Variants in BCAS1 observed in about 807,000 individuals in gnomAD.
BCAS1 encodes brain enriched myelin associated protein 1, also known as breast carcinoma-amplified sequence 1.
Under a neutral mutation model 65.4 loss-of-function variants are expected in BCAS1, and 46 were observed. The observed-to-expected ratio is 0.70, with a 90% CI of 0.55 to 0.90. BCAS1 has a LOEUF of 0.90. BCAS1 is among the 40% of genes least tolerant of loss of function. The pLI is 0.00. For missense variants in BCAS1, 793 were observed against 771.2 expected (o/e 1.03, Z -0.33); for synonymous variants, 298 against 293.5 (o/e 1.02, Z -0.16).
At chr20:53,969,050 T>G (rs112694457) in intron 9 of BCAS1, among the ~76,000 whole-genome samples, 4 of 152,332 alleles carry the variant, frequency 2.6e-5, no homozygotes, top group African/African-American at 9.6e-5. Context: ...CAGGTGAGGC[T>G]GAAATATAGG....
At chr20:53,956,090 T>C (rs1248692893) in intron 11 of BCAS1, among the ~76,000 whole-genome samples, 1 of 152,094 alleles carries the variant, frequency 6.6e-6, no homozygotes, top group African/African-American at 2.4e-5. Flanking sequence ...AGCAGCATAA[T>C]AGTAATAGTA....
intron 1 of BCAS1, among the ~76,000 whole-genome samples, chr20:54,068,008 CAT>C (rs2092465873): frequency 1.3e-5 from 2 of 152,318 alleles, no homozygotes; most frequent in Admixed American, 6.5e-5. Context: ...CCTGCAGCTC[CAT>C]GTGTGTGCCC....
chr20:54,017,109 G>C (rs1226865285), intron 4 of BCAS1, among the ~76,000 whole-genome samples: 3 of 152,112 alleles, frequency 2.0e-5, no homozygotes, highest in Non-Finnish European at 2.9e-5. Flanking sequence ...GTTCACATAG[G>C]GGGAGGGGGG....
rs2089591528 is a variant in BCAS1 at position 53,953,418 on chromosome 20, A to C, written c.1815+14T>G. 1.2e-6 allele frequency: 2 copies of C among 1,612,054 alleles called. No homozygotes were observed. Among genetic ancestry groups the C allele is most frequent in the African/African-American group, 1.3e-5 (1 of 74,836 alleles). On this transcript the variant is annotated intron_variant, in intron 12 of 12. Transcript: ENST00000688948. ...AGAGAGCCCAGAAAGAAGAGGCAAA[A>C]AAAATCCACCTACCAGGCCTTTAAA...
At chr20:53,973,089 A>T (rs1271934261) in intron 9 of BCAS1, among the ~76,000 whole-genome samples, 1 of 152,130 alleles carries the variant, frequency 6.6e-6, no homozygotes, top group Non-Finnish European at 1.5e-5. Flanking sequence ...TTAGCCAGGC[A>T]TGGTGGCGCA....
intron 1 of BCAS1, among the ~76,000 whole-genome samples, chr20:54,066,362 G>A (rs1182851299): frequency 1.3e-5 from 2 of 152,152 alleles, no homozygotes; most frequent in Admixed American, 6.5e-5. Flanking sequence ...GTGAGCCACC[G>A]GGCCCGGCCG....
chr20:54,057,098 A>T (rs1055039115), intron 3 of BCAS1, among the ~76,000 whole-genome samples: 1 of 152,224 alleles, frequency 6.6e-6, no homozygotes, highest in African/African-American at 2.4e-5. Context: ...GTCACATAGT[A>T]GAGCCTGACC....
chr20:53,997,420 G>T (rs577817074), intron 4 of BCAS1, among the ~76,000 whole-genome samples: 3 of 152,268 alleles, frequency 2.0e-5, no homozygotes, highest in South Asian at 4.2e-4. Flanking sequence ...CATTCTTTAC[G>T]ACTCAGGTGA....
intron 10 of BCAS1, among the ~76,000 whole-genome samples, chr20:53,962,127 T>C (rs2089896775): frequency 6.6e-6 from 1 of 152,198 alleles, no homozygotes; most frequent in South Asian, 2.1e-4. Flanking sequence ...AGCAAATCAG[T>C]ATTAACATTT....
chr20:54,070,124 C>T (rs964549524), intron 1 of BCAS1, among the ~76,000 whole-genome samples: 1 of 152,196 alleles, frequency 6.6e-6, no homozygotes, highest in African/African-American at 2.4e-5. Context: ...TGACTTCTCC[C>T]CATGTCCTGT....
rs555844277 is a variant in BCAS1, at chr20:54,058,255, AAACTT to A, written c.73-106_73-102del. The A allele has an allele frequency of 1.8e-3, 1,968 of 1,085,884 alleles. 4 individuals are homozygous for A. The highest frequency in any genetic ancestry group is 4.7e-3 in the African/African-American group (301 of 63,898). The allele number at this position is 1,085,884 out of a possible 1,614,324, so 67.3% of individuals were successfully genotyped here. On this transcript the variant is annotated intron_variant, in intron 2 of 12. Coordinates refer to ENST00000688948, the MANE Select transcript of BCAS1 (RefSeq NM_001366298.2). The stretch of plus-strand genomic sequence containing the variant: ...ATACAAGGGTGTCTCACAAAAAATT[AAACTT>A]AACTTAAAGGCTGTGTTTCTAGAAA...
Position 54,028,935 on chromosome 20 carries a change from G to A in BCAS1, c.180C>T (p.Ala60=). ...TCTCCGTTGTCTCGGGGGAAGAAGT[G>A]GCCACATTATCCGTCTTGACACTTA... ...LGISVKTDNV[A]TSSPETTEIS... is the part of the protein sequence containing the mutation. Residue 60 remains alanine (A), a synonymous_variant, in exon 4 of 13, where the codon GCC becomes GCT. Transcript: ENST00000688948. 2 of 1,613,546 alleles carry A rather than the reference G, an allele frequency of 1.2e-6. No homozygotes were observed. Among genetic ancestry groups the A allele is most frequent in the Non-Finnish European group, 8.5e-7 (1 of 1,179,898 alleles).
intron 3 of BCAS1, among the ~76,000 whole-genome samples, chr20:54,043,353 C>A (rs2092036542): frequency 6.6e-6 from 1 of 151,662 alleles, no homozygotes. Context: ...TTATAGCCAT[C>A]TTTTTAGAGG....
rs182653303 is a variant in BCAS1 at position 53,959,505 on chromosome 20, C to T, written c.1486-2008G>A. Among the ~76,000 whole-genome samples the T allele has an allele frequency of 5.9e-5, 9 of 152,258 alleles. No homozygotes were observed. The East Asian group carries it at 7.7e-4, about 13-fold the overall frequency. On this transcript the variant is annotated intron_variant, in intron 10 of 12. Coordinates refer to ENST00000688948, the MANE Select transcript of BCAS1 (RefSeq NM_001366298.2). ...CTGACCTCAAATGATCCACCCGCCTCGGCCTCCCAAAGTGTTAGGATTACA... is the reference window on the plus strand; with the variant it reads ...CTGACCTCAAATGATCCACCCGCCTTGGCCTCCCAAAGTGTTAGGATTACA...
chr20:54,064,280 T>A (rs1472774509), intron 1 of BCAS1, among the ~76,000 whole-genome samples: 2 of 152,332 alleles, frequency 1.3e-5, no homozygotes, highest in East Asian at 3.9e-4. Flanking sequence ...TGAGAGCCCC[T>A]GTTTTGGATA....
chr20:54,006,767 G>A (rs917316577), intron 4 of BCAS1, among the ~76,000 whole-genome samples: 3 of 152,048 alleles, frequency 2.0e-5, no homozygotes, highest in Non-Finnish European at 4.4e-5. Context: ...GCAAGTCTGG[G>A]GACTTGCCTA....
At chr20:53,947,791 C>G (rs1323225102) in intron 12 of BCAS1, among the ~76,000 whole-genome samples, 1 of 152,190 alleles carries the variant, frequency 6.6e-6, no homozygotes, top group Non-Finnish European at 1.5e-5. Flanking sequence ...AGAGCACAAA[C>G]TCCCCATGGC....
At chr20:54,046,355 C>G (rs1475170006) in intron 3 of BCAS1, among the ~76,000 whole-genome samples, 1 of 151,498 alleles carries the variant, frequency 6.6e-6, no homozygotes, top group Non-Finnish European at 1.5e-5. Context: ...TAGTGGAACC[C>G]CGTCTGTACT....
At chr20:54,027,624 C>T (rs1261505460) in intron 4 of BCAS1, among the ~76,000 whole-genome samples, 5 of 152,286 alleles carry the variant, frequency 3.3e-5, no homozygotes, top group African/African-American at 1.2e-4. Flanking sequence ...TCAAGTTTTA[C>T]TTCCTTCTTC....
Sources: allele counts gnomAD v4.1 joint callset (sites outside exome capture counted in the v4.1 genomes callset), GRCh38; gene constraint gnomAD v4.1.1; transcripts MANE v1.5; gene names NCBI Gene and HGNC (gene_info 2026-07-23, HGNC 2026-07-21).